SAMTOR: variants seen among roughly 807,000 people sequenced by gnomAD.
SAMTOR encodes UPF0532 protein C7orf60.
At chr7:112,842,138 C>A in the SAMTOR span, among the ~76,000 whole-genome samples, 16 of 151,822 alleles carry the variant, frequency 1.1e-4, no homozygotes, top group African/African-American at 3.4e-4. Context: ...TATGAAAATT[C>A]TTTGAGTAGA....
At chr7:112,914,007 T>C in the SAMTOR span, among the ~76,000 whole-genome samples, 1 of 152,228 alleles carries the variant, frequency 6.6e-6, no homozygotes, top group Non-Finnish European at 1.5e-5. Flanking sequence ...AGTTTTATTG[T>C]ACTCCTAGTG....
chr7:112,918,859 A>G, the SAMTOR span, among the ~76,000 whole-genome samples: 63 of 152,368 alleles, frequency 4.1e-4, no homozygotes, highest in African/African-American at 1.4e-3. Context: ...GAAGGCCATT[A>G]CATAATGGTA....
the SAMTOR span, among the ~76,000 whole-genome samples, chr7:112,932,087 G>A: frequency 9.9e-5 from 15 of 151,822 alleles, no homozygotes; most frequent in African/African-American, 3.4e-4. Context: ...CACCACACCC[G>A]GCTAATTTTT....
chr7:112,911,975 C>T, the SAMTOR span, among the ~76,000 whole-genome samples: 2 of 151,262 alleles, frequency 1.3e-5, no homozygotes, highest in Non-Finnish European at 3.0e-5. Context: ...AAACCAAGAA[C>T]CTAAAGAATT....
the SAMTOR span, among the ~76,000 whole-genome samples, chr7:112,848,422 G>A: frequency 5.3e-5 from 8 of 152,172 alleles, no homozygotes; most frequent in Admixed American, 5.2e-4. Context: ...ATAAAGTTGA[G>A]TAAGAGAGTC....
chr7:112,845,171 A>G, the SAMTOR span, among the ~76,000 whole-genome samples: 1 of 152,326 alleles, frequency 6.6e-6, no homozygotes, highest in Admixed American at 6.5e-5. Context: ...CATTCTGGAC[A>G]TAGGAATATG....
the SAMTOR span, among the ~76,000 whole-genome samples, chr7:112,860,173 G>GAA: frequency 6.6e-6 from 1 of 152,122 alleles, no homozygotes; most frequent in Admixed American, 6.5e-5. Flanking sequence ...TGTAGCCTAG[G>GAA]AGCAAATGAC....
At chr7:112,884,404 T>C in the SAMTOR span, among the ~76,000 whole-genome samples, 2 of 152,298 alleles carry the variant, frequency 1.3e-5, no homozygotes, top group East Asian at 3.9e-4. Flanking sequence ...GCAAGTCCCT[T>C]CTGCCTACGA....
the SAMTOR span, among the ~76,000 whole-genome samples, chr7:112,938,546 T>G: frequency 2.6e-5 from 4 of 152,202 alleles, no homozygotes; most frequent in African/African-American, 9.6e-5. Context: ...TAATCCTAAA[T>G]TATTAACTAA....
chr7:112,902,405 A>T, the SAMTOR span, among the ~76,000 whole-genome samples: 1 of 137,000 alleles, frequency 7.3e-6, no homozygotes, highest in African/African-American at 2.7e-5. Context: ...AACAAGAGCA[A>T]AACTCCGTCT....
chr7:112,922,868 G>C, the SAMTOR span, among the ~76,000 whole-genome samples: 1 of 136,860 alleles, frequency 7.3e-6, no homozygotes, highest in African/African-American at 2.7e-5. Context: ...CACCCCGTCC[G>C]GGAGGGAGGT....
chr7:112,895,470 G>C, the SAMTOR span: 1 of 781,098 alleles, frequency 1.3e-6, no homozygotes, highest in South Asian at 3.8e-5. Flanking sequence ...GTAACTACTG[G>C]AGGAGCAAGT....
At chr7:112,879,149 A>AAGG in the SAMTOR span, among the ~76,000 whole-genome samples, 2 of 150,982 alleles carry the variant, frequency 1.3e-5, no homozygotes, top group African/African-American at 4.9e-5. Context: ...CTTATGACAC[A>AAGG]AGGATATTTC....
chr7:112,911,698 CAG>C, the SAMTOR span, among the ~76,000 whole-genome samples: 1 of 151,672 alleles, frequency 6.6e-6, no homozygotes, highest in African/African-American at 2.4e-5. Flanking sequence ...TGGACAAAAA[CAG>C]AGAACTTCAA....
chr7:112,919,237 C>T, the SAMTOR span, among the ~76,000 whole-genome samples: 37 of 152,020 alleles, frequency 2.4e-4, no homozygotes, highest in Middle Eastern at 3.4e-3. Flanking sequence ...ACAGAAATTA[C>T]AACAAACTGT....
At chr7:112,907,093 G>A in the SAMTOR span, among the ~76,000 whole-genome samples, 1 of 152,116 alleles carries the variant, frequency 6.6e-6, no homozygotes, top group Non-Finnish European at 1.5e-5. Context: ...CTACAGAACA[G>A]CATTGTAAGT....
At chr7:112,856,823 A>C in the SAMTOR span, among the ~76,000 whole-genome samples, 1 of 152,206 alleles carries the variant, frequency 6.6e-6, no homozygotes, top group African/African-American at 2.4e-5. Flanking sequence ...GAAATGAGGA[A>C]AAATCAGAAA....
chr7:112,826,546 A>G, the SAMTOR span, among the ~76,000 whole-genome samples: 1 of 152,134 alleles, frequency 6.6e-6, no homozygotes, highest in South Asian at 2.1e-4. Context: ...GCTAGAGTTT[A>G]TAAATTTTAT....
the SAMTOR span, among the ~76,000 whole-genome samples, chr7:112,916,489 C>T: frequency 6.6e-5 from 10 of 152,252 alleles, no homozygotes; most frequent in South Asian, 2.1e-4. Flanking sequence ...GGAACAGCTC[C>T]GGTCTACAGC....
Sources: allele counts gnomAD v4.1 joint callset (sites outside exome capture counted in the v4.1 genomes callset), GRCh38; gene constraint gnomAD v4.1.1; transcripts MANE v1.5; gene names NCBI Gene and HGNC (gene_info 2026-07-23, HGNC 2026-07-21).